MARCHF3: variants seen among roughly 807,000 people sequenced by gnomAD.
The protein encoded by MARCHF3 is E3 ubiquitin-protein ligase MARCHF3.
Under a neutral mutation model 24.2 loss-of-function variants are expected in MARCHF3, and 13 were observed. The ratio of observed to expected loss-of-function variants is 0.54; its 90% CI spans 0.35 to 0.85. The LOEUF is 0.85. Ranked by LOEUF, MARCHF3 falls within the 40% of genes least tolerant of loss-of-function variation. The pLI is 0.01. For synonymous variants in MARCHF3, 144 were observed against 137.3 expected (o/e 1.05, Z -0.34); for missense variants, 276 against 325.0 (o/e 0.85, Z 1.16).
intron 3 of MARCHF3, among the ~76,000 whole-genome samples, chr5:126,910,465 A>G (rs1754478448): frequency 6.6e-6 from 1 of 152,192 alleles, no homozygotes; most frequent in Non-Finnish European, 1.5e-5. Flanking sequence ...CCTTTTTGCT[A>G]TCTACTATTG....
At chr5:126,963,679 A>G (rs1750717789) in intron 1 of MARCHF3, among the ~76,000 whole-genome samples, 1 of 152,228 alleles carries the variant, frequency 6.6e-6, no homozygotes, top group African/African-American at 2.4e-5. Context: ...TGGTAAATTA[A>G]GAAAAAATCT....
intron 3 of MARCHF3, among the ~76,000 whole-genome samples, chr5:126,902,293 C>T (rs1161996302): frequency 6.6e-6 from 1 of 152,030 alleles, no homozygotes; most frequent in East Asian, 1.9e-4. Flanking sequence ...ATTCTTTGTC[C>T]TCTTCTGTAT....
chr5:126,995,896 C>G (rs777897047), intron 1 of MARCHF3, among the ~76,000 whole-genome samples: 8 of 152,196 alleles, frequency 5.3e-5, no homozygotes, highest in Non-Finnish European at 1.0e-4. Flanking sequence ...GTGTTATAAA[C>G]ACAGGCATAA....
intron 4 of MARCHF3, among the ~76,000 whole-genome samples, chr5:126,872,967 G>A (rs1753024480): frequency 6.6e-6 from 1 of 152,126 alleles, no homozygotes; most frequent in Non-Finnish European, 1.5e-5. Context: ...GCCAACAGCG[G>A]GAAAGAGGTG....
intron 1 of MARCHF3, among the ~76,000 whole-genome samples, chr5:126,929,124 C>G (rs1477398527): frequency 6.6e-6 from 1 of 152,232 alleles, no homozygotes; most frequent in African/African-American, 2.4e-5. Context: ...TCCCTTTCTT[C>G]CCAAGCCATT....
chr5:126,885,491 C>T (rs185116359), intron 3 of MARCHF3, among the ~76,000 whole-genome samples: 1 of 152,144 alleles, frequency 6.6e-6, no homozygotes, highest in Non-Finnish European at 1.5e-5. Context: ...CGCTTGAACC[C>T]AGGAGGCGGA....
At chr5:127,017,301 A>C (rs934312525) in intron 1 of MARCHF3, among the ~76,000 whole-genome samples, 1 of 152,224 alleles carries the variant, frequency 6.6e-6, no homozygotes, top group Admixed American at 6.5e-5. Context: ...ATTTAGTCTT[A>C]TAAGTATCTT....
At chr5:127,012,715 AC>A (rs1355281625) in intron 1 of MARCHF3, among the ~76,000 whole-genome samples, 9 of 152,236 alleles carry the variant, frequency 5.9e-5, no homozygotes, top group Non-Finnish European at 1.2e-4. Flanking sequence ...GCCTTACAAT[AC>A]AACAAAATAT....
intron 1 of MARCHF3, among the ~76,000 whole-genome samples, chr5:127,009,577 G>T (rs960865712): frequency 7.2e-5 from 11 of 152,134 alleles, no homozygotes; most frequent in African/African-American, 2.7e-4. Flanking sequence ...TTATATAAAG[G>T]GACAGAGTTA....
intron 3 of MARCHF3, among the ~76,000 whole-genome samples, chr5:126,909,418 C>A (rs1386251455): frequency 2.0e-5 from 3 of 152,246 alleles, no homozygotes; most frequent in African/African-American, 7.2e-5. Flanking sequence ...CCTCCCCCAG[C>A]CTCGCTGTCG....
rs1172572948 is a variant in MARCHF3 at position 127,030,552 on chromosome 5, A to G, written c.-259T>C. 2 of 152,300 alleles carry G rather than the reference A, an allele frequency of 1.3e-5. No individual in the cohort carries two copies. The highest frequency in any genetic ancestry group is 2.4e-5 in the African/African-American group (1 of 41,460). The allele number at this position is 152,300 out of a possible 1,614,324, so 9.4% of individuals were successfully genotyped here. ...GCGCTGACAATTCACGGACCTGCTCAACGAGTGAGGCGGAAAGCAGGGCTA... is the reference window on the plus strand; with the variant it reads ...GCGCTGACAATTCACGGACCTGCTCGACGAGTGAGGCGGAAAGCAGGGCTA... On this transcript the variant is annotated 5_prime_UTR_variant, in exon 1 of 5. Coordinates refer to ENST00000308660, the MANE Select transcript of MARCHF3 (RefSeq NM_178450.5).
At chr5:126,978,576 A>G (rs1440839607) in intron 1 of MARCHF3, among the ~76,000 whole-genome samples, 1 of 152,204 alleles carries the variant, frequency 6.6e-6, no homozygotes, top group Non-Finnish European at 1.5e-5. Context: ...TATATGAAGT[A>G]CTCGTTCTGA....
chr5:126,910,930 A>T (rs1210700688), intron 3 of MARCHF3, among the ~76,000 whole-genome samples: 1 of 152,226 alleles, frequency 6.6e-6, no homozygotes, highest in Non-Finnish European at 1.5e-5. Context: ...TCCCTGAGAA[A>T]TAGAATGCGT....
intron 1 of MARCHF3, among the ~76,000 whole-genome samples, chr5:126,973,916 A>G: frequency 9.3e-6 from 1 of 107,398 alleles, no homozygotes; most frequent in Admixed American, 1.5e-4. Context: ...TTTGAGACGG[A>G]GTCTCGCTCT....
At chr5:126,928,968 A>G (rs1220516751) in intron 1 of MARCHF3, among the ~76,000 whole-genome samples, 1 of 152,156 alleles carries the variant, frequency 6.6e-6, no homozygotes, top group Admixed American at 6.5e-5. Context: ...TATTCCCTTG[A>G]TATCATCTAC....
chr5:126,977,977 T>C (rs955172849), intron 1 of MARCHF3, among the ~76,000 whole-genome samples: 35 of 152,184 alleles, frequency 2.3e-4, no homozygotes, highest in Non-Finnish European at 7.3e-5. Context: ...AAAGCAAAAT[T>C]GGAGAAGCTG....
chr5:126,956,642 C>T (rs1293777851), intron 1 of MARCHF3, among the ~76,000 whole-genome samples: 1 of 93,134 alleles, frequency 1.1e-5, no homozygotes, highest in African/African-American at 4.5e-5. Context: ...GAGGCTCTGT[C>T]TCCAAAAAAA....
chr5:126,917,067 C>G (rs1043183946), intron 2 of MARCHF3, among the ~76,000 whole-genome samples: 3 of 152,108 alleles, frequency 2.0e-5, no homozygotes, highest in African/African-American at 4.8e-5. Context: ...TGCCACTGCA[C>G]CAGAGGGGTT....
intron 1 of MARCHF3, among the ~76,000 whole-genome samples, chr5:126,938,527 G>A (rs537853192): frequency 1.3e-5 from 2 of 149,702 alleles, no homozygotes; most frequent in East Asian, 3.9e-4. Flanking sequence ...GAGTTAACAT[G>A]TAGGGCAAAA....
Sources: gnomAD v4.1 joint callset for allele counts (sites outside exome capture counted in the v4.1 genomes callset) on GRCh38, gnomAD v4.1.1 for gene constraint, MANE v1.5 for transcripts, NCBI Gene and HGNC (gene_info 2026-07-23, HGNC 2026-07-21) for gene names.